The following GPCPD1 variants were observed in gnomAD, a reference collection of about 807,000 sequenced individuals.
GPCPD1 encodes the protein glycerophosphocholine phosphodiesterase 1.
Under a neutral mutation model 89.2 loss-of-function variants are expected in GPCPD1, and 29 were observed. The ratio of observed to expected loss-of-function variants is 0.33; its 90% confidence interval spans 0.24 to 0.44. The LOEUF (loss-of-function observed/expected upper bound fraction) is 0.44, where lower values mean the gene tolerates loss of function less well. GPCPD1 is among the 20% of genes least tolerant of loss of function. GPCPD1 has a pLI of 1.00. For synonymous variants in GPCPD1, 258 were observed against 266.3 expected (o/e 0.97, Z 0.30); for missense variants, 594 against 808.9 (o/e 0.73, Z 3.22).
intron 11 of GPCPD1, among the ~76,000 whole-genome samples, chr20:5,570,614 C>A (rs948155570): frequency 8.5e-5 from 13 of 152,156 alleles, no homozygotes; most frequent in African/African-American, 2.9e-4. Flanking sequence ...ACCTTAGCTG[C>A]ACAGCTAACA....
intron 6 of GPCPD1, among the ~76,000 whole-genome samples, chr20:5,580,586 C>T (rs551684687): frequency 1.1e-4 from 17 of 151,568 alleles, no homozygotes; most frequent in African/African-American, 3.9e-4. Context: ...AATAGCCGGG[C>T]GTGGTGGCGG....
intron 3 of GPCPD1, among the ~76,000 whole-genome samples, chr20:5,598,146 G>A (rs1053287707): frequency 2.6e-4 from 40 of 151,668 alleles, no homozygotes; most frequent in Non-Finnish European, 7.4e-5. Context: ...GATCAGCCTG[G>A]GCAACATAAC....
chr20:5,610,274 T>A (rs1052404716), intron 1 of GPCPD1, among the ~76,000 whole-genome samples: 2 of 152,226 alleles, frequency 1.3e-5, no homozygotes, highest in African/African-American at 4.8e-5. Flanking sequence ...AGGGCACTCA[T>A]GACTATTCCT....
rs192456172 is a variant in GPCPD1 at position 5,547,839 on chromosome 20, C to T, written c.1841G>A (p.Trp614Ter). 1.3e-6 allele frequency: 2 copies of T among 1,586,658 alleles called. No individual in the cohort carries two copies. Among genetic ancestry groups the T allele is most frequent in the African/African-American group, 1.3e-5 (1 of 74,510 alleles). ...GAATATATTTGGTTGTTCAGGCATC[C>T]AATCATATATCCTATGATGAAACAA... The part of the protein sequence containing the change: ...NGLIYDRIYD[W>*]MPEQPNIFQV... The change falls in exon 20 of 20, where the codon TGG (tryptophan) becomes TAG (stop). Residue 614 changes from tryptophan (W) to a stop codon, truncating the protein, a stop_gained. Transcript: ENST00000379019. LOFTEE classifies it high-confidence loss of function.
intron 7 of GPCPD1, among the ~76,000 whole-genome samples, chr20:5,579,150 A>T (rs1278011756): frequency 6.6e-6 from 1 of 152,106 alleles, no homozygotes; most frequent in Non-Finnish European, 1.5e-5. Flanking sequence ...GCACCACTGT[A>T]CTCCAACCTG....
At chr20:5,593,146 G>A (rs1006381883) in intron 4 of GPCPD1, among the ~76,000 whole-genome samples, 181 bp downstream of exon 4, 2 of 152,122 alleles carry the variant, frequency 1.3e-5, no homozygotes, top group Non-Finnish European at 2.9e-5. Flanking sequence ...AAAATTCCAT[G>A]GCAGACATCA....
At chr20:5,582,054 C>T (rs575903046) in intron 6 of GPCPD1, among the ~76,000 whole-genome samples, 35 of 147,724 alleles carry the variant, frequency 2.4e-4, no homozygotes, top group African/African-American at 7.5e-4. Flanking sequence ...GGCGTGGTAG[C>T]GGGCGCCTGT....
At chr20:5,603,735 A>G (rs1300277828) in intron 2 of GPCPD1, among the ~76,000 whole-genome samples, 1 of 150,316 alleles carries the variant, frequency 6.7e-6, no homozygotes, top group South Asian at 2.1e-4. Flanking sequence ...CAATTGTTTC[A>G]CCAACTTATT....
chr20:5,586,309 A>G (rs780678380), intron 4 of GPCPD1, 40 bp from the exon 5 acceptor site: 1 of 1,152,016 alleles, frequency 8.7e-7, no homozygotes, highest in East Asian at 2.3e-5. Context: ...AATTTCTTAT[A>G]TCTTATTTTC....
In GPCPD1 at chr20:5,586,948, T is replaced by G. The variant is rs1017256742; in HGVS notation, c.232-679A>C. Among the ~76,000 whole-genome samples, 4 of 152,314 alleles carry G rather than the reference T, an allele frequency of 2.6e-5. No homozygotes were observed. In the East Asian group the frequency reaches 7.7e-4, roughly 29 times the overall value. On this transcript the variant is annotated intron_variant, in intron 4 of 19. Transcript: ENST00000379019. ...GAGGAACTAACATCCGGTTTCATTC[T>G]TATGCCTTAGTTTAAAATCTCATAC...
At chr20:5,566,121 T>C (rs1986383922) in intron 14 of GPCPD1, among the ~76,000 whole-genome samples, 1 of 152,208 alleles carries the variant, frequency 6.6e-6, no homozygotes, top group Non-Finnish European at 1.5e-5. Context: ...TAAAACTGTA[T>C]GGTTATCACA....
intron 2 of GPCPD1, among the ~76,000 whole-genome samples, chr20:5,599,592 T>C (rs1431653402): frequency 3.3e-5 from 5 of 152,130 alleles, no homozygotes; most frequent in African/African-American, 4.8e-5. Flanking sequence ...TTTTTCTCTG[T>C]TGCCTGGGCT....
chr20:5,577,804 A>T (rs1027370654), intron 8 of GPCPD1, among the ~76,000 whole-genome samples: 9 of 152,172 alleles, frequency 5.9e-5, no homozygotes, highest in African/African-American at 2.2e-4. Context: ...GGGATGTACC[A>T]AGTATTATGT....
intron 4 of GPCPD1, among the ~76,000 whole-genome samples, chr20:5,592,792 A>G (rs865899963): frequency 6.6e-6 from 1 of 152,214 alleles, no homozygotes; most frequent in African/African-American, 2.4e-5. Flanking sequence ...TGAACAGGCA[A>G]ATTTAGAATA....
intron 2 of GPCPD1, among the ~76,000 whole-genome samples, chr20:5,601,112 G>A (rs1007654531): frequency 6.6e-6 from 1 of 152,030 alleles, no homozygotes; most frequent in Admixed American, 6.6e-5. Context: ...CCTGGGGGGA[G>A]GTAGAGGTTG....
rs1220482159 is a variant in GPCPD1, at chr20:5,558,703, G to A, written c.1649C>T (p.Ala550Val). ...ACTTACCAGTAGATTTTCAAACTGTGCAAAGCTCATTGCAATGGGGGTTGT... is the reference window on the plus strand; with the variant it reads ...ACTTACCAGTAGATTTTCAAACTGTACAAAGCTCATTGCAATGGGGGTTGT... ...SRTTPIAMSF[A>V]QFENLLGINV... Residue 550 changes from alanine to valine, a missense_variant, in exon 18 of 20, where the codon GCA becomes GTA. Transcript: ENST00000379019. The A allele has an allele frequency of 6.3e-7, 1 of 1,588,248 alleles. No homozygotes were observed. The highest frequency in any genetic ancestry group is 1.1e-5 in the South Asian group (1 of 87,806).
rs781154212 is a variant in GPCPD1, at chr20:5,547,687, C to T, written c.1993G>A (p.Gly665Ser). ...GESDIHVDAN[G>S]IDNVENA ...TAAGCATTCTCCACGTTATCAATGC[C>T]GTTGGCATCCACATGGATATCAGAC... is the stretch of plus-strand genomic sequence containing the variant. Residue 665 changes from glycine (G) to serine (S), a missense_variant, in exon 20 of 20, where the codon GGC becomes AGC. Physicochemically the swap from Gly to Ser is moderately conservative, Grantham distance 56. Coordinates refer to ENST00000379019, the MANE Select transcript of GPCPD1 (RefSeq NM_019593.5). 8 of 1,606,278 alleles carry T rather than the reference C, an allele frequency of 5.0e-6. No individual in the cohort carries two copies. The highest frequency in any genetic ancestry group is 1.1e-5 in the South Asian group (1 of 90,558).
intron 11 of GPCPD1, among the ~76,000 whole-genome samples, chr20:5,573,548 C>T (rs1986838925): frequency 6.6e-6 from 1 of 152,116 alleles, no homozygotes; most frequent in African/African-American, 2.4e-5. Flanking sequence ...CAAGCCTGAG[C>T]AACATAGTGA....
At chr20:5,564,648 C>T (rs1226583277) in intron 15 of GPCPD1, among the ~76,000 whole-genome samples, 2 of 151,946 alleles carry the variant, frequency 1.3e-5, no homozygotes, top group Non-Finnish European at 2.9e-5. Flanking sequence ...GACCAGCCTG[C>T]GCAACAAGGT....
Sources: gnomAD v4.1 joint callset for allele counts (sites outside exome capture counted in the v4.1 genomes callset) on GRCh38, gnomAD v4.1.1 for gene constraint, MANE v1.5 for transcripts, NCBI Gene and HGNC (gene_info 2026-07-23, HGNC 2026-07-21) for gene names.